Variants in STAB2 observed in about 807,000 individuals in gnomAD.
STAB2 encodes the protein stabilin-2.
Under a neutral mutation model 338.1 loss-of-function variants are expected in STAB2, and 288 were observed. That is an observed-to-expected ratio of 0.85 (90% confidence interval 0.77 to 0.94). The LOEUF is 0.94. Ranked by LOEUF, STAB2 falls within the 40% of genes least tolerant of loss-of-function variation. The probability of loss-of-function intolerance (pLI) is 0.00; values close to 1 mark genes in which losing one functional copy is unlikely to be tolerated. For missense variants in STAB2, 3,141 were observed against 3,210.1 expected (o/e 0.98, Z 0.52); for synonymous variants, 1,202 against 1,193.3 (o/e 1.01, Z -0.15).
chr12:103,733,785 GATC>G (rs1447015387), intron 51 of STAB2, among the ~76,000 whole-genome samples: 1 of 151,840 alleles, frequency 6.6e-6, no homozygotes, highest in Non-Finnish European at 1.5e-5. Flanking sequence ...GAACATATAT[GATC>G]ATATAGGAGC....
intron 3 of STAB2, among the ~76,000 whole-genome samples, chr12:103,619,697 C>A (rs984077640): frequency 2.0e-5 from 3 of 151,990 alleles, no homozygotes; most frequent in Admixed American, 6.6e-5. Context: ...GCTTACCATA[C>A]TAGGCACTTC....
chr12:103,698,652 C>G (rs1393019682), intron 33 of STAB2, among the ~76,000 whole-genome samples: 1 of 152,176 alleles, frequency 6.6e-6, no homozygotes, highest in Non-Finnish European at 1.5e-5. Flanking sequence ...CCAGCAGTCC[C>G]TGCCTTGGTC....
intron 3 of STAB2, among the ~76,000 whole-genome samples, chr12:103,598,621 A>G (rs757802813): frequency 7.9e-5 from 12 of 152,228 alleles, no homozygotes; most frequent in Non-Finnish European, 1.3e-4. Flanking sequence ...TATGAAAAGC[A>G]GGAAATAAAT....
intron 65 of STAB2, among the ~76,000 whole-genome samples, chr12:103,760,877 C>A (rs913727750): frequency 1.8e-4 from 28 of 152,200 alleles, no homozygotes; most frequent in African/African-American, 6.5e-4. Flanking sequence ...GGAGAAGGCA[C>A]AGGGCCTCAG....
intron 33 of STAB2, among the ~76,000 whole-genome samples, chr12:103,697,295 T>C (rs1186022337): frequency 6.6e-6 from 1 of 152,178 alleles, no homozygotes; most frequent in Non-Finnish European, 1.5e-5. Flanking sequence ...AGGGAGAGTG[T>C]CCTAAACTCC....
chr12:103,759,390 A>G, intron 65 of STAB2, 117 bp downstream of exon 65: 1 of 1,414,346 alleles, frequency 7.1e-7, no homozygotes, highest in African/African-American at 1.4e-5. Flanking sequence ...CTAAACCTGC[A>G]GATAGGGGAC....
chr12:103,698,427 G>A (rs922747872), intron 33 of STAB2, among the ~76,000 whole-genome samples: 3 of 152,086 alleles, frequency 2.0e-5, no homozygotes, highest in Non-Finnish European at 2.9e-5. Context: ...AAGGTTAAGA[G>A]GGGTGGAAGA....
chr12:103,734,520 G>A (rs1881949355), intron 51 of STAB2, among the ~76,000 whole-genome samples: 1 of 152,044 alleles, frequency 6.6e-6, no homozygotes, highest in Non-Finnish European at 1.5e-5. Context: ...TGATCATATG[G>A]GAGCAAACAT....
chr12:103,624,445 A>G (rs1957350120), intron 5 of STAB2, among the ~76,000 whole-genome samples: 1 of 152,234 alleles, frequency 6.6e-6, no homozygotes, highest in Non-Finnish European at 1.5e-5. Flanking sequence ...ATGGAGACAT[A>G]GGTAAGTTTA....
intron 17 of STAB2, among the ~76,000 whole-genome samples, chr12:103,661,577 C>A (rs888419958): frequency 1.3e-5 from 2 of 152,144 alleles, no homozygotes; most frequent in Admixed American, 6.5e-5. Flanking sequence ...TATTAGACAG[C>A]AGCAAGTGCT....
In STAB2 at chr12:103,587,366, A is replaced by G. The variant is rs140713294; in HGVS notation, c.-111A>G. ...AGGAAAAAGGAAAGGAAGGGATTTAAAAGTAAACAGTGAAATGAGAAAGAA... is the reference window on the plus strand; with the variant it reads ...AGGAAAAAGGAAAGGAAGGGATTTAGAAGTAAACAGTGAAATGAGAAAGAA... On this transcript the variant is annotated 5_prime_UTR_variant, in exon 1 of 69. Transcript: ENST00000388887. 603 of 904,194 alleles carry G rather than the reference A, an allele frequency of 6.7e-4. 4 individuals carry two copies. The East Asian group carries it at 0.015, about 23-fold the overall frequency. The allele number at this position is 904,194 out of a possible 1,614,324, so 56.0% of individuals were successfully genotyped here.
intron 49 of STAB2, 70 bp from the exon 50 acceptor site, chr12:103,731,506 T>G (rs1881633685): frequency 6.6e-5 from 102 of 1,542,892 alleles, no homozygotes; most frequent in Non-Finnish European, 8.6e-5. Context: ...TTTTTTCACT[T>G]GAGCTCTTGT....
At position 103,766,266 on chromosome 12, in the gene STAB2, T is replaced by C. The variant is rs1265150359; in HGVS notation, c.7606-20T>C. The stretch of plus-strand genomic sequence containing the variant: ...CAACACACAGAATGCCCTGCCCCCT[T>C]ACAACCCTCTCTTTTCCAGGACTCT... On this transcript the variant is annotated intron_variant, in intron 68 of 68. Transcript: ENST00000388887. 9 of 1,613,756 alleles carry C rather than the reference T, an allele frequency of 5.6e-6. No homozygotes were observed. The highest frequency in any genetic ancestry group is 7.6e-6 in the Non-Finnish European group (9 of 1,179,944).
intron 49 of STAB2, 134 bp downstream of exon 49, chr12:103,730,390 A>AAGT (rs1881541624): frequency 1.9e-6 from 2 of 1,031,250 alleles, no homozygotes; most frequent in Non-Finnish European, 2.8e-6. Context: ...AAAGCCTAGT[A>AAGT]AACATTATTC....
At chr12:103,591,104 A>C (rs1956791398) in intron 2 of STAB2, 74 bp downstream of exon 2, 18 of 1,592,280 alleles carry the variant, frequency 1.1e-5, no homozygotes, top group Non-Finnish European at 1.3e-5. Context: ...ACTGCAAAGC[A>C]TTTCCATGAC....
intron 60 of STAB2, 149 bp downstream of exon 60, chr12:103,750,869 T>A (rs1883578997): frequency 1.8e-6 from 2 of 1,101,984 alleles, no homozygotes; most frequent in African/African-American, 1.6e-5. Flanking sequence ...GGCAGATGGA[T>A]CACTTGAGGT....
At chr12:103,730,295 C>G in intron 49 of STAB2, 39 bp downstream of exon 49, 1 of 1,602,856 alleles carries the variant, frequency 6.2e-7, no homozygotes, top group Non-Finnish European at 8.5e-7. Flanking sequence ...CCTGGAGTGA[C>G]TCAATACATT....
At chr12:103,744,982 C>A (rs1882901845) in intron 56 of STAB2, among the ~76,000 whole-genome samples, 191 bp from the exon 57 acceptor site, 1 of 152,158 alleles carries the variant, frequency 6.6e-6, no homozygotes. Context: ...GTAACCTTAT[C>A]GCTTAGCAGT....
Position 103,669,628 on chromosome 12 carries a change from G to T in STAB2, c.2259+1G>T. 1 of 1,613,594 alleles carries T rather than the reference G, an allele frequency of 6.2e-7. No individual in the cohort carries two copies. The highest frequency in any genetic ancestry group is 8.5e-7 in the Non-Finnish European group (1 of 1,179,544). Reference sequence around the variant, plus strand: ...AAATCCATGCTCAGGAAATGGACAGGTGAATACTGAAGACTGGCCTTCCAT... The same window carrying T: ...AAATCCATGCTCAGGAAATGGACAGTTGAATACTGAAGACTGGCCTTCCAT... On this transcript the variant is annotated splice_donor_variant, in intron 21 of 68. Transcript: ENST00000388887. LOFTEE classifies it high-confidence loss of function.
Sources: gnomAD v4.1 joint callset for allele counts (sites outside exome capture counted in the v4.1 genomes callset) on GRCh38, gnomAD v4.1.1 for gene constraint, MANE v1.5 for transcripts, NCBI Gene and HGNC (gene_info 2026-07-23, HGNC 2026-07-21) for gene names.